Variants in YES1 observed in about 807,000 individuals in gnomAD.
YES1 encodes the protein YES proto-oncogene 1, Src family tyrosine kinase.
Under a neutral mutation model 70.4 loss-of-function variants are expected in YES1, and 39 were observed. That is an observed-to-expected ratio of 0.55 (90% CI 0.43 to 0.72). YES1 has a LOEUF of 0.72. YES1 is among the 30% of genes least tolerant of loss of function. The pLI, the probability that YES1 is intolerant of heterozygous loss-of-function variation, is 0.00. For missense variants in YES1, 495 were observed against 644.8 expected, an observed-to-expected ratio of 0.77 and a Z score of 2.52; for synonymous variants, 198 against 218.6, an observed-to-expected ratio of 0.91 and a Z score of 0.83.
chr18:792,302 T>A (rs1015285910), intron 1 of YES1, among the ~76,000 whole-genome samples: 2 of 151,742 alleles, frequency 1.3e-5, no homozygotes, highest in Admixed American at 1.3e-4. Context: ...AGACTTCATC[T>A]CGAAAAACAA....
chr18:740,702 A>G (rs1479651976), intron 8 of YES1, among the ~76,000 whole-genome samples: 1 of 152,226 alleles, frequency 6.6e-6, no homozygotes, highest in Non-Finnish European at 1.5e-5. Context: ...AAGAGTTTTA[A>G]AAATAGAAAG....
intron 1 of YES1, among the ~76,000 whole-genome samples, chr18:761,829 A>T (rs924445060): frequency 1.6e-4 from 24 of 152,210 alleles, no homozygotes; most frequent in African/African-American, 5.8e-4. Flanking sequence ...TACGTGATTC[A>T]CATTTTTAAG....
intron 1 of YES1, among the ~76,000 whole-genome samples, chr18:802,544 CAAAAA>C (rs200573604): frequency 2.4e-5 from 2 of 83,174 alleles, no homozygotes. Context: ...AACTCCATCT[CAAAAA>C]AAAAAAAAAA....
At chr18:781,279 A>AAAAAAT (rs1483746597) in intron 1 of YES1, among the ~76,000 whole-genome samples, 1 of 151,808 alleles carries the variant, frequency 6.6e-6, no homozygotes, top group Non-Finnish European at 1.5e-5. Flanking sequence ...CAAAAAAAAA[A>AAAAAAT]AAAAAAATAA....
At chr18:784,961 T>C (rs1905859940) in intron 1 of YES1, among the ~76,000 whole-genome samples, 1 of 152,162 alleles carries the variant, frequency 6.6e-6, no homozygotes, top group Non-Finnish European at 1.5e-5. Flanking sequence ...CCTACCACAG[T>C]ACCCATGCTT....
At chr18:736,644 A>C (rs1022542625) in intron 10 of YES1, 164 bp downstream of exon 10, 8 of 911,178 alleles carry the variant, frequency 8.8e-6, no homozygotes, top group African/African-American at 8.5e-5. Flanking sequence ...GGAAATAACT[A>C]TCAGAAAGCC....
intron 1 of YES1, among the ~76,000 whole-genome samples, chr18:799,703 A>G (rs1300658105): frequency 2.6e-5 from 4 of 151,962 alleles, no homozygotes; most frequent in Admixed American, 6.6e-5. Flanking sequence ...ACTCCATTTC[A>G]AAAAAAATTT....
chr18:809,097 C>T (rs1392439481), intron 1 of YES1, among the ~76,000 whole-genome samples: 1 of 152,132 alleles, frequency 6.6e-6, no homozygotes, highest in Non-Finnish European at 1.5e-5. Flanking sequence ...TATTTGATGA[C>T]AGAACAGTAT....
At position 773,656 on chromosome 18, in the gene YES1, TATA is replaced by T. The variant is rs534858196; in HGVS notation, c.-8-16824_-8-16822del. ...TAGACTTTCATAATCCTGTCCATTG[TATA>T]ATAACTTTCCTGCTTCTTTTCTTTC... On this transcript the variant is annotated intron_variant, in intron 1 of 11. Coordinates refer to ENST00000314574, the MANE Select transcript of YES1 (RefSeq NM_005433.4). 9.4e-4 allele frequency among the ~76,000 whole-genome samples: 143 copies of T among 152,336 alleles called. 1 individual carries two copies. The highest frequency in any genetic ancestry group is 1.4e-3 in the Non-Finnish European group (97 of 68,034).
chr18:742,902 A>G lies in YES1; in HGVS notation c.1060+16T>C, dbSNP rs1390438996. On this transcript the variant is annotated intron_variant, in intron 8 of 11. Transcript: ENST00000314574. ...ACATTATCAACACAAATACCTAAGG[A>G]GATACTAATACATACCTTTTGACAT... 6.4e-7 allele frequency: 1 copy of G among 1,554,904 alleles called. No individual in the cohort carries two copies.
intron 1 of YES1, among the ~76,000 whole-genome samples, chr18:796,460 T>G (rs7243185): frequency 0.37 from 56,273 of 151,992 alleles, 11,306 homozygotes; most frequent in African/African-American, 0.51. Context: ...ATCAAGCTAT[T>G]TGGTATTGGC....
intron 1 of YES1, among the ~76,000 whole-genome samples, chr18:761,286 G>A (rs753644262): frequency 2.0e-5 from 3 of 150,586 alleles, no homozygotes; most frequent in Non-Finnish European, 4.4e-5. Context: ...CTTAAAAGTC[G>A]GTACAAGGAA....
rs375329243 is a variant in YES1, at chr18:749,730, G to A, written c.372-1712C>T. Among the ~76,000 whole-genome samples, 30 of 151,506 alleles carry A rather than the reference G, an allele frequency of 2.0e-4. No homozygotes were observed. The South Asian group carries it at 6.1e-3, about 31-fold the overall frequency. ...AAAAAATTAGCCAGACGTGGTGGCG[G>A]GCGCCTGTAGTCCCAGCTACTCGGG... On this transcript the variant is annotated intron_variant, in intron 3 of 11. Coordinates refer to ENST00000314574, the MANE Select transcript of YES1 (RefSeq NM_005433.4).
chr18:756,980 C>T, intron 1 of YES1, 145 bp from the exon 2 acceptor site: 3 of 817,444 alleles, frequency 3.7e-6, no homozygotes, highest in Middle Eastern at 7.4e-4. Flanking sequence ...AAGCTGAAAA[C>T]GAGGTCTCTT....
intron 10 of YES1, among the ~76,000 whole-genome samples, chr18:735,283 A>AG (rs2080139857): frequency 6.6e-6 from 1 of 152,100 alleles, no homozygotes; most frequent in Admixed American, 6.5e-5. Flanking sequence ...ATAAAAAAAA[A>AG]TGTGGCATAT....
At chr18:729,685 G>A (rs1279408230) in intron 11 of YES1, among the ~76,000 whole-genome samples, 8 of 141,654 alleles carry the variant, frequency 5.6e-5, no homozygotes, top group East Asian at 4.4e-4. Flanking sequence ...AGAGTGCAGC[G>A]GCGCAATCTC....
intron 1 of YES1, among the ~76,000 whole-genome samples, chr18:784,649 G>T (rs748514959): frequency 6.6e-6 from 1 of 152,210 alleles, no homozygotes; most frequent in Non-Finnish European, 1.5e-5. Context: ...TGTGGGGGCT[G>T]CCCACATTCC....
intron 11 of YES1, among the ~76,000 whole-genome samples, chr18:732,307 G>A (rs1183785855): frequency 2.6e-5 from 4 of 151,812 alleles, no homozygotes; most frequent in Admixed American, 6.6e-5. Context: ...GGGTGTGGTG[G>A]TGGGTGCCTG....
chr18:732,589 T>A (rs1322560051), intron 11 of YES1, among the ~76,000 whole-genome samples: 2 of 152,090 alleles, frequency 1.3e-5, no homozygotes, highest in Non-Finnish European at 2.9e-5. Flanking sequence ...CTGAGAAAGC[T>A]GAGGTGAATG....
Sources: gnomAD v4.1 joint callset for allele counts (sites outside exome capture counted in the v4.1 genomes callset) on GRCh38, gnomAD v4.1.1 for gene constraint, MANE v1.5 for transcripts, NCBI Gene and HGNC (gene_info 2026-07-23, HGNC 2026-07-21) for gene names.